Variants in STYX observed in about 807,000 individuals in gnomAD.
STYX encodes the protein serine/threonine/tyrosine interacting protein, also known as serine/threonine/tyrosine-interacting protein.
Under a neutral mutation model 42.7 loss-of-function variants are expected in STYX, and 20 were observed. That is an observed-to-expected ratio of 0.47 (90% CI 0.33 to 0.68). The LOEUF (loss-of-function observed/expected upper bound fraction) is 0.68, where lower values mean the gene tolerates loss of function less well. Ranked by LOEUF, STYX falls within the 30% of genes least tolerant of loss-of-function variation. The pLI, the probability that STYX is intolerant of heterozygous loss-of-function variation, is 0.02. For missense variants in STYX, 226 were observed against 268.5 expected, an observed-to-expected ratio of 0.84 and a Z score of 1.11; for synonymous variants, 78 against 81.9, an observed-to-expected ratio of 0.95 and a Z score of 0.26.
At chr14:52,734,866 C>G (rs1045036094) in intron 1 of STYX, among the ~76,000 whole-genome samples, 2 of 152,032 alleles carry the variant, frequency 1.3e-5, no homozygotes, top group Non-Finnish European at 2.9e-5. Flanking sequence ...TCAAGACCAT[C>G]CTGGCTAACA....
chr14:52,751,900 C>T (rs1222684578), intron 4 of STYX, among the ~76,000 whole-genome samples: 7 of 152,232 alleles, frequency 4.6e-5, no homozygotes, highest in East Asian at 3.9e-4. Context: ...CGGTGGCTCA[C>T]GCCTGTAATC....
intron 2 of STYX, among the ~76,000 whole-genome samples, chr14:52,745,613 A>G (rs984238596): frequency 3.9e-5 from 6 of 152,266 alleles, no homozygotes; most frequent in African/African-American, 1.4e-4. Context: ...AGTCTTCTAG[A>G]AGATCAAATT....
At chr14:52,751,781 ACT>A (rs1391302364) in intron 4 of STYX, among the ~76,000 whole-genome samples, 2 of 152,138 alleles carry the variant, frequency 1.3e-5, no homozygotes, top group African/African-American at 2.4e-5. Flanking sequence ...AATGAAAGTA[ACT>A]CTACTTTTTC....
intron 3 of STYX, 31 bp downstream of exon 3, chr14:52,746,510 A>T: frequency 2.6e-6 from 4 of 1,533,312 alleles, no homozygotes; most frequent in Non-Finnish European, 3.5e-6. Context: ...ATCAAGAGAG[A>T]CTTTTATTAA....
intron 1 of STYX, among the ~76,000 whole-genome samples, chr14:52,731,992 G>A (rs1203065947): frequency 1.3e-5 from 2 of 148,458 alleles, no homozygotes; most frequent in Non-Finnish European, 1.5e-5. Context: ...CTCCAGGCTG[G>A]TCTCGAACTC....
At chr14:52,765,580 G>A (rs1187307685) in intron 9 of STYX, among the ~76,000 whole-genome samples, 1 of 152,174 alleles carries the variant, frequency 6.6e-6, no homozygotes, top group East Asian at 1.9e-4. Flanking sequence ...TAGGTGAATT[G>A]ATTTGTATCA....
rs1003902535 is a variant in STYX at position 52,772,058 on chromosome 14, A to G, written c.*952A>G. The stretch of plus-strand genomic sequence containing the variant: ...CCAAAAAAGAAAAGTGCCTTGCATC[A>G]TTTAAAAAAAATAATTAAATCCTCA... On this transcript the variant is annotated 3_prime_UTR_variant, in exon 11 of 11. Transcript: ENST00000354586. 1.3e-5 allele frequency: 2 copies of G among 152,512 alleles called. No homozygotes were observed. Among genetic ancestry groups the G allele is most frequent in the African/African-American group, 4.8e-5 (2 of 41,460 alleles). The allele number at this position is 152,512 out of a possible 1,614,324, so 9.4% of individuals were successfully genotyped here. A position where few individuals can be genotyped will look rare whatever the true frequency, so the allele number is the denominator to read the frequency against.
chr14:52,746,672 A>T (rs1369407725), intron 3 of STYX, among the ~76,000 whole-genome samples, 193 bp downstream of exon 3: 1 of 152,218 alleles, frequency 6.6e-6, no homozygotes, highest in Non-Finnish European at 1.5e-5. Flanking sequence ...TTCACCACAA[A>T]TCAGAGTTTT....
intron 9 of STYX, among the ~76,000 whole-genome samples, chr14:52,765,863 C>A (rs984987090): frequency 2.0e-5 from 3 of 152,092 alleles, no homozygotes; most frequent in Non-Finnish European, 4.4e-5. Context: ...GGTAATGCTC[C>A]CTGGAGTGCC....
At chr14:52,744,087 G>C (rs1881305420) in intron 1 of STYX, among the ~76,000 whole-genome samples, 1 of 152,208 alleles carries the variant, frequency 6.6e-6, no homozygotes, top group Admixed American at 6.5e-5. Context: ...GCATCCCAAA[G>C]TGCTGGGATT....
intron 3 of STYX, among the ~76,000 whole-genome samples, chr14:52,749,775 G>A (rs1014904364): frequency 7.9e-5 from 12 of 152,178 alleles, no homozygotes; most frequent in African/African-American, 2.9e-4. Flanking sequence ...AAGCACTACA[G>A]GTTGAGTATC....
rs181212484 is a variant in STYX, at chr14:52,757,482, T to C, written c.340+127T>C. The C allele has an allele frequency of 1.1e-4, 103 of 917,190 alleles. No individual in the cohort carries two copies. The East Asian group carries it at 2.6e-3, about 23-fold the overall frequency. 56.8% of individuals were successfully genotyped at this position (917,190 alleles called of 1,614,324 possible). A position where few individuals can be genotyped will look rare whatever the true frequency, so the allele number is the denominator to read the frequency against. ...ATATGTAGTAGCTTACTCCCAAATT[T>C]GTATTTTCCCAATTACTTGTTTCAT... On this transcript the variant is annotated intron_variant, in intron 6 of 10. Transcript: ENST00000354586.
At chr14:52,740,457 C>G (rs907681997) in intron 1 of STYX, among the ~76,000 whole-genome samples, 2 of 152,182 alleles carry the variant, frequency 1.3e-5, no homozygotes, top group East Asian at 3.8e-4. Flanking sequence ...CATTGAAAGA[C>G]TGTATAGTAT....
intron 1 of STYX, among the ~76,000 whole-genome samples, chr14:52,743,781 A>T (rs1476835191): frequency 6.6e-6 from 1 of 152,190 alleles, no homozygotes; most frequent in Admixed American, 6.5e-5. Context: ...CCAACTTAGA[A>T]ACTTTTGGAA....
intron 1 of STYX, among the ~76,000 whole-genome samples, chr14:52,733,906 C>A (rs553193805): frequency 6.6e-6 from 1 of 152,156 alleles, no homozygotes; most frequent in Non-Finnish European, 1.5e-5. Context: ...GCACTCCCCC[C>A]CGACCCCCGC....
chr14:52,751,111 G>A lies in STYX; in HGVS notation c.242+331G>A, dbSNP rs192249725. On this transcript the variant is annotated intron_variant, in intron 4 of 10. Transcript: ENST00000354586. ...TTGAGTATCTAGGGGATAGGTTTAG[G>A]GAAACAGCATCTACTGTTACCTCTT... 1.3e-4 allele frequency among the ~76,000 whole-genome samples: 20 copies of A among 152,144 alleles called. No homozygotes were observed. In the East Asian group the frequency reaches 3.7e-3, roughly 28 times the overall value.
Position 52,730,240 on chromosome 14 carries a change from A to G in STYX, c.-235A>G. 2 of 569,690 alleles carry G rather than the reference A, an allele frequency of 3.5e-6. No individual in the cohort carries two copies. The highest frequency in any genetic ancestry group is 2.1e-5 in the South Asian group (1 of 48,600). The allele number at this position is 569,690 out of a possible 1,614,324, so 35.3% of individuals were successfully genotyped here. A position where few individuals can be genotyped will look rare whatever the true frequency, so the allele number is the denominator to read the frequency against. On this transcript the variant is annotated 5_prime_UTR_variant, in exon 1 of 11. Coordinates refer to ENST00000354586, the MANE Select transcript of STYX (RefSeq NM_145251.4). ...GGAGACTCTGGGGGAGGGAGACGGC[A>G]GCGGCATGGCGGCCGGGTGTAAGAC... is the stretch of plus-strand genomic sequence containing the variant.
chr14:52,762,793 A>G (rs973250728), intron 9 of STYX, among the ~76,000 whole-genome samples: 1 of 146,822 alleles, frequency 6.8e-6, no homozygotes, highest in Non-Finnish European at 1.5e-5. Context: ...ATTCATTCAT[A>G]TATTTTGACA....
At chr14:52,764,578 C>A (rs920714230) in intron 9 of STYX, among the ~76,000 whole-genome samples, 1 of 147,010 alleles carries the variant, frequency 6.8e-6, no homozygotes, top group Non-Finnish European at 1.5e-5. Context: ...TAAATGAATC[C>A]TTTTTTTAAC....
Sources: allele counts gnomAD v4.1 joint callset (sites outside exome capture counted in the v4.1 genomes callset), GRCh38; gene constraint gnomAD v4.1.1; transcripts MANE v1.5; gene names NCBI Gene and HGNC (gene_info 2026-07-23, HGNC 2026-07-21).